Variants in JADE2 observed in about 807,000 individuals in gnomAD.
JADE2 encodes jade family PHD finger 2.
In JADE2, 13 loss-of-function variants were observed where a neutral mutation model predicts 85.7. The observed-to-expected ratio is 0.15, with a 90% confidence interval of 0.10 to 0.24. The LOEUF is 0.24. Among genes scored for constraint, JADE2 ranks in the 10% least tolerant of loss-of-function variants. JADE2 has a pLI of 1.00. For synonymous variants in JADE2, 440 were observed against 456.1 expected, an observed-to-expected ratio of 0.96 and a Z score of 0.45; for missense variants, 846 against 1,115.9, an observed-to-expected ratio of 0.76 and a Z score of 3.45.
chr5:134,525,539 A>G (rs1424507755), upstream of JADE2: 1 of 360,084 alleles, frequency 2.8e-6, no homozygotes, highest in Admixed American at 4.9e-5. Flanking sequence ...GGGAGCGGAG[A>G]TCCGAGTGAA....
chr5:134,527,766 C>T, intron 1 of JADE2, among the ~76,000 whole-genome samples: 1 of 152,164 alleles, frequency 6.6e-6, no homozygotes, highest in East Asian at 1.9e-4. Context: ...CCCTCAGCCA[C>T]TGCCGCTGGC....
chr5:134,565,276 C>T (rs1268033481), intron 8 of JADE2, among the ~76,000 whole-genome samples: 2 of 152,148 alleles, frequency 1.3e-5, no homozygotes, highest in East Asian at 3.8e-4. Flanking sequence ...GTGCCTTCAC[C>T]CATCCACGGA....
chr5:134,580,548 C>T lies in JADE2; in HGVS notation c.*1231C>T, dbSNP rs1208334800. 1 of 150,446 alleles carries T rather than the reference C, an allele frequency of 6.6e-6. No homozygotes were observed. The highest frequency in any genetic ancestry group is 2.5e-5 in the African/African-American group (1 of 40,786). The allele number at this position is 150,446 out of a possible 1,614,324, so 9.3% of individuals were successfully genotyped here. On this transcript the variant is annotated 3_prime_UTR_variant, in exon 12 of 12. Transcript: ENST00000681547. ...CCCAGGGTGATAGCTCAGGGAACAA[C>T]AAAAAAGGAATTCCGTGAAAACATT...
intron 4 of JADE2, 152 bp from the exon 5 acceptor site, chr5:134,559,678 A>C: frequency 1.5e-6 from 1 of 677,334 alleles, no homozygotes; most frequent in Admixed American, 3.1e-5. Flanking sequence ...TGGAGGAGGA[A>C]GTGAAGGAGG....
In JADE2 at chr5:134,570,477, C is replaced by A. The variant is rs903899526; in HGVS notation, c.1435-3168C>A. On this transcript the variant is annotated intron_variant, in intron 9 of 11. Coordinates refer to ENST00000681547, the MANE Select transcript of JADE2 (RefSeq NM_001388185.1). Reference sequence around the variant, plus strand: ...GCGAATCCTCCCTCCCTATTTCCCTCTAGTCGTGGGTTCCTCCGCTCCCAC... The same window carrying A: ...GCGAATCCTCCCTCCCTATTTCCCTATAGTCGTGGGTTCCTCCGCTCCCAC... Among the ~76,000 whole-genome samples the A allele has an allele frequency of 3.3e-4, 50 of 152,320 alleles. 1 individual carries two copies. Among genetic ancestry groups the A allele is most frequent in the African/African-American group, 1.1e-3 (45 of 41,564 alleles).
At chr5:134,555,669 G>A (rs2149951274) in intron 4 of JADE2, among the ~76,000 whole-genome samples, 1 of 152,330 alleles carries the variant, frequency 6.6e-6, no homozygotes, top group East Asian at 1.9e-4. Flanking sequence ...TGGGCATCCG[G>A]ACACCCCCAC....
intron 1 of JADE2, among the ~76,000 whole-genome samples, chr5:134,535,544 G>C (rs575162188): frequency 3.9e-5 from 6 of 152,292 alleles, no homozygotes; most frequent in Admixed American, 3.3e-4. Context: ...GGACTGGGCA[G>C]GTCATGGTCA....
Position 134,538,860 on chromosome 5 carries a change from CT to C in JADE2, c.153+790del, listed in dbSNP as rs541295980. ...GAGATGGAGGGTCTTAATCCTGGCT[CT>C]TTTTTTTTTTTTGGAGACTGAGGTT... On this transcript the variant is annotated intron_variant, in intron 3 of 11. Transcript: ENST00000681547. Among the ~76,000 whole-genome samples, 726 of 141,546 alleles carry C rather than the reference CT, an allele frequency of 5.1e-3. 3 individuals carry two copies. The highest frequency in any genetic ancestry group is 0.012 in the African/African-American group (461 of 38,942). 92.9% of individuals were successfully genotyped at this position (141,546 alleles called of 152,430 possible). A position where few individuals can be genotyped will look rare whatever the true frequency, so the allele number is the denominator to read the frequency against.
At chr5:134,561,540 CT>C (rs139039676) in intron 6 of JADE2, among the ~76,000 whole-genome samples, 26,600 of 152,124 alleles carry the variant, frequency 0.17, 2,647 homozygotes, top group East Asian at 0.35. Flanking sequence ...GGGCCCAAGG[CT>C]CTAGGTCTTG....
chr5:134,533,636 C>A, intron 1 of JADE2: 1 of 954,234 alleles, frequency 1.0e-6, no homozygotes, highest in Non-Finnish European at 1.2e-6. Context: ...CCACCGATGT[C>A]AGGACAAAGC....
At chr5:134,539,492 C>T (rs530600783) in intron 3 of JADE2, among the ~76,000 whole-genome samples, 5 of 152,370 alleles carry the variant, frequency 3.3e-5, no homozygotes, top group African/African-American at 1.2e-4. Context: ...AGCCACCGCG[C>T]CCGGCCAATC....
At chr5:134,574,432 C>T (rs1160729049) in intron 10 of JADE2, 3 of 153,066 alleles carry the variant, frequency 2.0e-5, no homozygotes, top group Admixed American at 6.5e-5. Flanking sequence ...CACTTAGCCC[C>T]CAAAACAGTA....
rs962742219 is a variant in JADE2 at position 134,544,402 on chromosome 5, C to A, written c.153+6319C>A. The A allele has an allele frequency of 1.1e-4, 19 of 166,772 alleles. No homozygotes were observed. The Admixed American group carries it at 1.2e-3, about 11-fold the overall frequency. 10.3% of individuals were successfully genotyped at this position (166,772 alleles called of 1,614,324 possible). A position where few individuals can be genotyped will look rare whatever the true frequency, so the allele number is the denominator to read the frequency against. On this transcript the variant is annotated intron_variant, in intron 3 of 11. Transcript: ENST00000681547. ...ACACCCAGGCTTTGCCCGAGGACAT[C>A]TGTGACCCCAGGCGAGTGAGCCTCA...
intron 10 of JADE2, among the ~76,000 whole-genome samples, chr5:134,576,558 G>A (rs145255590): frequency 8.2e-4 from 125 of 152,122 alleles, no homozygotes; most frequent in Non-Finnish European, 1.3e-3. Context: ...CTCTCCTCGT[G>A]GCCCTGTGGC....
intron 5 of JADE2, 123 bp from the exon 6 acceptor site, chr5:134,560,623 G>C (rs1292144776): frequency 7.8e-6 from 6 of 768,468 alleles, no homozygotes; most frequent in African/African-American, 7.0e-5. Context: ...TCCAACAGTG[G>C]GTGGGCAGAA....
At chr5:134,539,821 G>C (rs1042959130) in intron 3 of JADE2, among the ~76,000 whole-genome samples, 2 of 152,196 alleles carry the variant, frequency 1.3e-5, no homozygotes, top group Non-Finnish European at 2.9e-5. Flanking sequence ...GCCCTTGGAG[G>C]GGGGCTTCTG....
At chr5:134,565,994 A>G in intron 8 of JADE2, 122 bp from the exon 9 acceptor site, 1 of 830,762 alleles carries the variant, frequency 1.2e-6, no homozygotes, top group Non-Finnish European at 1.9e-6. Flanking sequence ...AGCCCATGCC[A>G]TTCTGTTTAG....
intron 1 of JADE2, among the ~76,000 whole-genome samples, chr5:134,529,041 A>ACC (rs747082258): frequency 6.6e-6 from 1 of 152,018 alleles, no homozygotes; most frequent in Non-Finnish European, 1.5e-5. Context: ...CTGGACACTG[A>ACC]CCCCCACATC....
chr5:134,564,431 TG>T, intron 7 of JADE2, 62 bp from the exon 8 acceptor site: 1 of 1,126,484 alleles, frequency 8.9e-7, no homozygotes, highest in Non-Finnish European at 1.2e-6. Flanking sequence ...ACCCCCATTT[TG>T]GAGATCCCTG....
Sources: allele counts gnomAD v4.1 joint callset (sites outside exome capture counted in the v4.1 genomes callset), GRCh38; gene constraint gnomAD v4.1.1; transcripts MANE v1.5; gene names NCBI Gene and HGNC (gene_info 2026-07-23, HGNC 2026-07-21).